MLIP: variants seen among roughly 807,000 people sequenced by gnomAD.
MLIP encodes muscular LMNA-interacting protein.
In MLIP, 79 loss-of-function variants were observed where a neutral mutation model predicts 84.8. That is an observed-to-expected ratio of 0.93 (90% CI 0.78 to 1.12). MLIP has a LOEUF of 1.12. MLIP is among the 50% of genes most tolerant of loss of function. The pLI, the probability that MLIP is intolerant of heterozygous loss-of-function variation, is 0.00. For missense variants in MLIP, 1,257 were observed against 1,160.6 expected (o/e 1.08, Z -1.21); for synonymous variants, 504 against 463.0 (o/e 1.09, Z -1.14).
At chr6:54,260,786 T>C (rs1433071465) in intron 13 of MLIP, among the ~76,000 whole-genome samples, 1 of 152,020 alleles carries the variant, frequency 6.6e-6, no homozygotes, top group African/African-American at 2.4e-5. Context: ...TTTAATACTT[T>C]ATTTTTGTTT....
chr6:54,243,756 C>A (rs1172444009), intron 12 of MLIP, among the ~76,000 whole-genome samples: 1 of 151,830 alleles, frequency 6.6e-6, no homozygotes, highest in African/African-American at 2.4e-5. Flanking sequence ...CACCACCACC[C>A]GGGAATCACG....
chr6:54,183,208 C>T (rs1218401636), intron 9 of MLIP, among the ~76,000 whole-genome samples: 1 of 152,134 alleles, frequency 6.6e-6, no homozygotes, highest in East Asian at 1.9e-4. Flanking sequence ...TGCAATAATG[C>T]AGTCATAGAT....
At chr6:54,121,953 T>C (rs554998210) in intron 2 of MLIP, among the ~76,000 whole-genome samples, 3 of 152,286 alleles carry the variant, frequency 2.0e-5, no homozygotes, top group South Asian at 2.1e-4. Flanking sequence ...TGAGATATTA[T>C]TATTTACAGG....
chr6:54,231,589 G>A (rs991883271), intron 12 of MLIP, among the ~76,000 whole-genome samples: 3 of 151,410 alleles, frequency 2.0e-5, no homozygotes, highest in African/African-American at 7.4e-5. Flanking sequence ...TAAACTACAT[G>A]GGGCTTACAT....
intron 4 of MLIP, among the ~76,000 whole-genome samples, chr6:54,145,682 G>A (rs1315196080): frequency 1.3e-5 from 2 of 151,952 alleles, no homozygotes; most frequent in Admixed American, 6.6e-5. Context: ...AGGCTGAGGT[G>A]GAAGAATTGC....
At chr6:54,183,992 T>C (rs567922940) in intron 9 of MLIP, among the ~76,000 whole-genome samples, 2 of 152,076 alleles carry the variant, frequency 1.3e-5, no homozygotes, top group South Asian at 4.1e-4. Context: ...AAGAACACTC[T>C]CCAGGTTAAG....
intron 9 of MLIP, among the ~76,000 whole-genome samples, chr6:54,179,989 T>C (rs1776690444): frequency 1.3e-5 from 2 of 152,202 alleles, no homozygotes; most frequent in South Asian, 4.1e-4. Context: ...AGGTCTGATG[T>C]TAATGAAATC....
rs1274410285 is a variant in MLIP, at chr6:54,068,013, CTCCTTCCTTCCTTCCTTCCTTTTTTCTT to C, written c.63+48944_63+48971del. Among the ~76,000 whole-genome samples the C allele has an allele frequency of 8.1e-5, 6 of 73,684 alleles. 1 individual carries two copies. Among genetic ancestry groups the C allele is most frequent in the Admixed American group, 6.0e-4 (4 of 6,712 alleles). 48.3% of individuals were successfully genotyped at this position (73,684 alleles called of 152,430 possible). A position where few individuals can be genotyped will look rare whatever the true frequency, so the allele number is the denominator to read the frequency against. ...ATCTCAAGTCCTTTCTTCATGTCAG[CTCCTTCCTTCCTTCCTTCCTTTTTTCTT>C]TCCTTCCTTCCTTCCTTCCTTCCTT... On this transcript the variant is annotated intron_variant, in intron 1 of 12. Transcript: ENST00000274897.
intron 12 of MLIP, among the ~76,000 whole-genome samples, chr6:54,242,873 A>G (rs2150841693): frequency 6.6e-6 from 1 of 152,316 alleles, no homozygotes; most frequent in Admixed American, 6.5e-5. Context: ...AACAAAAAGC[A>G]TAGACTTTGC....
intron 11 of MLIP, among the ~76,000 whole-genome samples, chr6:54,206,405 G>A (rs1052928091): frequency 6.6e-6 from 1 of 151,878 alleles, no homozygotes; most frequent in South Asian, 2.1e-4. Flanking sequence ...GATTTTCCAA[G>A]AAATATTTTT....
In MLIP at chr6:54,183,743, GTTTTTT is replaced by G. The variant is rs3996970; in HGVS notation, c.2545-6112_2545-6107del. On this transcript the variant is annotated intron_variant, in intron 9 of 13. Transcript: ENST00000502396. ...TTAGTGAGATATTTAGACAGGGTAA[GTTTTTT>G]TTTTTTTTTTTTTTGAGACAGAGTC... 1.1e-3 allele frequency among the ~76,000 whole-genome samples: 128 copies of G among 116,732 alleles called. 2 individuals are homozygous for G. In the East Asian group the frequency reaches 0.026, roughly 24 times the overall value. The allele number at this position is 116,732 out of a possible 152,430, so 76.6% of individuals were successfully genotyped here.
intron 1 of MLIP, among the ~76,000 whole-genome samples, chr6:54,060,784 G>T (rs1765921147): frequency 6.6e-6 from 1 of 152,030 alleles, no homozygotes; most frequent in Admixed American, 6.6e-5. Flanking sequence ...ATAGAAGGAG[G>T]ATTCATCACA....
intron 1 of MLIP, among the ~76,000 whole-genome samples, chr6:54,075,050 C>T (rs1766714697): frequency 6.6e-6 from 1 of 151,930 alleles, no homozygotes; most frequent in Non-Finnish European, 1.5e-5. Context: ...GAGTTCAAGA[C>T]CAGCCTGACC....
At chr6:54,251,869 TATAAC>T (rs1250704506) in intron 12 of MLIP, among the ~76,000 whole-genome samples, 6 of 80,710 alleles carry the variant, frequency 7.4e-5, no homozygotes, top group African/African-American at 4.5e-4. Flanking sequence ...AAATATATAT[TATAAC>T]ATATAATATA....
At chr6:54,259,516 G>A (rs1783243819) in intron 13 of MLIP, among the ~76,000 whole-genome samples, 1 of 151,820 alleles carries the variant, frequency 6.6e-6, no homozygotes, top group Non-Finnish European at 1.5e-5. Flanking sequence ...CTGAATGTTA[G>A]GTAATGCAAA....
intron 11 of MLIP, among the ~76,000 whole-genome samples, chr6:54,211,342 G>T (rs775264043): frequency 2.8e-4 from 42 of 152,200 alleles, no homozygotes; most frequent in Non-Finnish European, 4.9e-4. Flanking sequence ...CAGAAAAATA[G>T]AGTTGTTTTT....
At chr6:54,215,307 G>T (rs909253522) in intron 11 of MLIP, 3 of 1,396,086 alleles carry the variant, frequency 2.1e-6, no homozygotes, top group Non-Finnish European at 1.8e-6. Flanking sequence ...CAAGAACATG[G>T]GCTCTTGTGA....
rs762746398 is a variant in MLIP at position 54,121,585 on chromosome 6, C to A, written c.235C>A (p.Pro79Thr). 1 of 1,607,220 alleles carries A rather than the reference C, an allele frequency of 6.2e-7. No homozygotes were observed. Among genetic ancestry groups the A allele is most frequent in the South Asian group, 1.1e-5 (1 of 89,364 alleles). The change falls in exon 2 of 14, where the codon CCA (proline) becomes ACA (threonine). Residue 79 changes from proline to threonine, a missense_variant. By Grantham distance (38) the Pro-to-Thr change is conservative. Transcript: ENST00000502396. ...KIPEESSDKS[P>T]ETVNRSKSND... ...TCCAGAAGAATCAAGTGATAAGAGT[C>A]CAGAAACTGTAAATAGGGTAGGATT...
intron 1 of MLIP, among the ~76,000 whole-genome samples, chr6:54,097,007 G>A (rs1286717542): frequency 2.6e-5 from 4 of 152,166 alleles, no homozygotes; most frequent in African/African-American, 7.2e-5. Flanking sequence ...CAACTGAGCC[G>A]AAGCAAGTAG....
Sources: gnomAD v4.1 joint callset for allele counts (sites outside exome capture counted in the v4.1 genomes callset) on GRCh38, gnomAD v4.1.1 for gene constraint, MANE v1.5 for transcripts, NCBI Gene and HGNC (gene_info 2026-07-23, HGNC 2026-07-21) for gene names.